Variants in RCAN2 observed in about 807,000 individuals in gnomAD.
RCAN2 encodes the protein calcipressin-2.
In RCAN2, 9 loss-of-function variants were observed where a neutral mutation model predicts 23.6. The observed-to-expected ratio is 0.38, with a 90% CI of 0.23 to 0.67. The LOEUF (loss-of-function observed/expected upper bound fraction) is 0.67, where lower values mean the gene tolerates loss of function less well. RCAN2 is among the 30% of genes least tolerant of loss of function. RCAN2 has a pLI of 0.51. For synonymous variants in RCAN2, 109 were observed against 115.7 expected (o/e 0.94, Z 0.37); for missense variants, 273 against 302.3 (o/e 0.90, Z 0.72).
chr6:46,351,501 T>TG (rs1346208962), intron 2 of RCAN2, among the ~76,000 whole-genome samples: 1 of 152,230 alleles, frequency 6.6e-6, no homozygotes, highest in Non-Finnish European at 1.5e-5. Flanking sequence ...GCCATGTCCT[T>TG]GAAAATCTCT....
intron 2 of RCAN2, among the ~76,000 whole-genome samples, chr6:46,328,917 GT>G (rs759300451): frequency 1.3e-5 from 2 of 152,088 alleles, no homozygotes; most frequent in African/African-American, 4.8e-5. Context: ...CCGAGAATGT[GT>G]TTTTTTATAG....
chr6:46,437,105 G>A (rs1767394404), intron 2 of RCAN2, among the ~76,000 whole-genome samples: 1 of 152,152 alleles, frequency 6.6e-6, no homozygotes, highest in Non-Finnish European at 1.5e-5. Flanking sequence ...GAAGCCATTA[G>A]TACTCTTACG....
At chr6:46,296,496 T>C (rs1303690602) in intron 2 of RCAN2, among the ~76,000 whole-genome samples, 2 of 152,168 alleles carry the variant, frequency 1.3e-5, no homozygotes, top group African/African-American at 2.4e-5. Flanking sequence ...CTTATGTTTC[T>C]CTTTTCTTCC....
At chr6:46,305,991 A>C (rs1582087126) in intron 2 of RCAN2, among the ~76,000 whole-genome samples, 3 of 150,568 alleles carry the variant, frequency 2.0e-5, no homozygotes, top group Admixed American at 2.0e-4. Context: ...TGCTCAGTAC[A>C]TGTTGCTGAG....
intron 2 of RCAN2, among the ~76,000 whole-genome samples, chr6:46,341,102 C>T (rs946006039): frequency 1.3e-5 from 2 of 152,160 alleles, no homozygotes; most frequent in Non-Finnish European, 2.9e-5. Context: ...TAGTAATAGA[C>T]ATTTATCATT....
chr6:46,401,217 G>A (rs1161854911), intron 2 of RCAN2, among the ~76,000 whole-genome samples: 6 of 152,156 alleles, frequency 3.9e-5, no homozygotes, highest in Non-Finnish European at 5.9e-5. Context: ...TTGCCAACAG[G>A]TTTGGATCAG....
In RCAN2 at chr6:46,395,333, A is replaced by G. The variant is rs552611214; in HGVS notation, c.225+61419T>C. Reference sequence around the variant, plus strand: ...ACTTGAAGTTGGAGAAAGAGGAGAAATCAACAAAGGAGCAATAAGGAGCCA... The same window carrying G: ...ACTTGAAGTTGGAGAAAGAGGAGAAGTCAACAAAGGAGCAATAAGGAGCCA... On this transcript the variant is annotated intron_variant, in intron 2 of 4. Coordinates refer to ENST00000371374, the MANE Select transcript of RCAN2 (RefSeq NM_001251974.2). Among the ~76,000 whole-genome samples the G allele has an allele frequency of 4.6e-5, 7 of 152,298 alleles. No homozygotes were observed. The East Asian group carries it at 1.2e-3, about 25-fold the overall frequency.
intron 2 of RCAN2, among the ~76,000 whole-genome samples, chr6:46,389,041 G>T (rs527355829): frequency 1.2e-4 from 19 of 152,120 alleles, no homozygotes; most frequent in Non-Finnish European, 1.9e-4. Flanking sequence ...ATATCATGAG[G>T]TAGAAAATTA....
Position 46,440,693 on chromosome 6 carries a change from T to C in RCAN2, c.225+16059A>G, listed in dbSNP as rs563861453. On this transcript the variant is annotated intron_variant, in intron 2 of 4. Transcript: ENST00000371374. ...ATAGTTGCTATGACTGAATATTAAT[T>C]TTTAATTTGAGTTTCCTAGAAGCCA... 2.0e-5 allele frequency among the ~76,000 whole-genome samples: 3 copies of C among 152,214 alleles called. No individual in the cohort carries two copies. In the East Asian group the frequency reaches 5.8e-4, roughly 29 times the overall value.
At chr6:46,474,241 C>A (rs1189071045) in intron 1 of RCAN2, among the ~76,000 whole-genome samples, 1 of 151,962 alleles carries the variant, frequency 6.6e-6, no homozygotes, top group Non-Finnish European at 1.5e-5. Flanking sequence ...TTGGAGAGAA[C>A]ATTCCAGGCT....
intron 2 of RCAN2, among the ~76,000 whole-genome samples, chr6:46,418,158 A>G (rs1346361414): frequency 1.3e-5 from 2 of 152,222 alleles, no homozygotes; most frequent in Non-Finnish European, 1.5e-5. Flanking sequence ...TTAACAAAAT[A>G]TCTTATACTT....
At chr6:46,282,237 C>G (rs1374200683) in intron 2 of RCAN2, among the ~76,000 whole-genome samples, 1 of 152,134 alleles carries the variant, frequency 6.6e-6, no homozygotes, top group African/African-American at 2.4e-5. Flanking sequence ...ATTGTGGTTA[C>G]TGATACCTCA....
In RCAN2 at chr6:46,222,876, G is replaced by C. The variant is rs1765521781; in HGVS notation, c.*265C>G. On this transcript the variant is annotated 3_prime_UTR_variant, in exon 5 of 5. Coordinates refer to ENST00000371374, the MANE Select transcript of RCAN2 (RefSeq NM_001251974.2). ...GCTTGGATCAACATGAGAGAACAAAGATATAGGCTGTGCTGATTGTTTAAT... is the reference window on the plus strand; with the variant it reads ...GCTTGGATCAACATGAGAGAACAAACATATAGGCTGTGCTGATTGTTTAAT... 7.3e-6 allele frequency: 3 copies of C among 409,780 alleles called. No individual in the cohort carries two copies. Among genetic ancestry groups the C allele is most frequent in the Admixed American group, 3.9e-5 (1 of 25,716 alleles). The allele number at this position is 409,780 out of a possible 1,614,324, so 25.4% of individuals were successfully genotyped here.
chr6:46,250,565 G>A (rs572397589), intron 2 of RCAN2, among the ~76,000 whole-genome samples: 90 of 152,200 alleles, frequency 5.9e-4, no homozygotes, highest in African/African-American at 2.0e-3. Flanking sequence ...ATCATTTTAC[G>A]AGTCAGAACC....
At chr6:46,349,971 A>C (rs1295768371) in intron 2 of RCAN2, among the ~76,000 whole-genome samples, 1 of 152,102 alleles carries the variant, frequency 6.6e-6, no homozygotes, top group Non-Finnish European at 1.5e-5. Flanking sequence ...TTAAAAACCT[A>C]CCTCATCTGT....
At chr6:46,452,307 A>G (rs1180575016) in intron 2 of RCAN2, among the ~76,000 whole-genome samples, 1 of 152,164 alleles carries the variant, frequency 6.6e-6, no homozygotes, top group African/African-American at 2.4e-5. Context: ...ACTTACACCA[A>G]TCTAGATGGA....
At chr6:46,347,563 A>G (rs1389448743) in intron 2 of RCAN2, among the ~76,000 whole-genome samples, 10 of 152,246 alleles carry the variant, frequency 6.6e-5, no homozygotes, top group Non-Finnish European at 1.5e-4. Context: ...CCAAAATGTA[A>G]AAAGTATCTT....
At chr6:46,482,601 G>A (rs1204602745) in intron 1 of RCAN2, among the ~76,000 whole-genome samples, 1 of 152,152 alleles carries the variant, frequency 6.6e-6, no homozygotes, top group Non-Finnish European at 1.5e-5. Context: ...TAAAAGATAT[G>A]CCCTTGAAAG....
chr6:46,470,624 C>T (rs1768532671), intron 1 of RCAN2, among the ~76,000 whole-genome samples: 1 of 152,238 alleles, frequency 6.6e-6, no homozygotes, highest in South Asian at 2.1e-4. Context: ...TATGTACCCT[C>T]TCTCTACCAG....
Sources: allele counts gnomAD v4.1 joint callset (sites outside exome capture counted in the v4.1 genomes callset), GRCh38; gene constraint gnomAD v4.1.1; transcripts MANE v1.5; gene names NCBI Gene and HGNC (gene_info 2026-07-23, HGNC 2026-07-21).